The following AGBL1 variants were observed in gnomAD, a reference collection of about 807,000 sequenced individuals.
The protein encoded by AGBL1 is cytosolic carboxypeptidase 4.
In AGBL1, 130 loss-of-function variants were observed where a neutral mutation model predicts 118.9. That is an observed-to-expected ratio of 1.09 (90% CI 0.95 to 1.26). AGBL1 has a LOEUF of 1.26. Ranked by LOEUF, AGBL1 falls within the 50% of genes most tolerant of loss-of-function variation. The pLI is 0.00. For missense variants in AGBL1, 1,584 were observed against 1,298.1 expected (o/e 1.22, Z -3.38); for synonymous variants, 555 against 478.9 (o/e 1.16, Z -2.08).
chr15:86,475,080 C>T (rs1018697209), intron 18 of AGBL1, among the ~76,000 whole-genome samples: 1 of 152,158 alleles, frequency 6.6e-6, no homozygotes, highest in Non-Finnish European at 1.5e-5. Flanking sequence ...CTGTACGTCA[C>T]CATCTTCAAA....
intron 22 of AGBL1, among the ~76,000 whole-genome samples, chr15:86,878,847 A>G (rs890817222): frequency 9.2e-5 from 14 of 152,246 alleles, no homozygotes; most frequent in Non-Finnish European, 1.6e-4. Context: ...TTTCAGGAGC[A>G]GCTCCTCCTC....
At chr15:86,474,230 A>C (rs951815782) in intron 18 of AGBL1, among the ~76,000 whole-genome samples, 1 of 152,076 alleles carries the variant, frequency 6.6e-6, no homozygotes, top group Non-Finnish European at 1.5e-5. Flanking sequence ...CGGTGGGTGC[A>C]GGAGAGTGGA....
chr15:86,419,257 A>G (rs2081749883), intron 18 of AGBL1, among the ~76,000 whole-genome samples: 1 of 151,964 alleles, frequency 6.6e-6, no homozygotes, highest in Non-Finnish European at 1.5e-5. Flanking sequence ...CAACCGAGGT[A>G]CCTAGCTCAT....
Position 86,143,862 on chromosome 15 carries a change from A to G in AGBL1, c.262+17A>G. The G allele has an allele frequency of 2.5e-6, 4 of 1,611,058 alleles. No homozygotes were observed. Among genetic ancestry groups the G allele is most frequent in the Non-Finnish European group, 3.4e-6 (4 of 1,178,540 alleles). ...GCCTAAGAGGTACTCGTACTCCAAG[A>G]CCTAAAGCTGACTGAAAAGGCACTT... On this transcript the variant is annotated intron_variant, in intron 3 of 22. Transcript: ENST00000614907.
chr15:86,666,590 T>G (rs1176386927), intron 21 of AGBL1, among the ~76,000 whole-genome samples: 2 of 152,152 alleles, frequency 1.3e-5, no homozygotes, highest in Non-Finnish European at 2.9e-5. Flanking sequence ...GGCCATAATT[T>G]TGGTGATAGT....
At chr15:86,635,057 T>C (rs1295856262) in intron 21 of AGBL1, among the ~76,000 whole-genome samples, 1 of 152,148 alleles carries the variant, frequency 6.6e-6, no homozygotes. Flanking sequence ...GTTTTATGAA[T>C]TAGGAGAAAA....
chr15:86,304,646 A>G (rs993239187), intron 17 of AGBL1, among the ~76,000 whole-genome samples: 1 of 152,104 alleles, frequency 6.6e-6, no homozygotes, highest in Non-Finnish European at 1.5e-5. Context: ...TAGGACCTTT[A>G]ACCTCTCTTG....
At chr15:86,527,800 C>A (rs2083287208) in intron 19 of AGBL1, among the ~76,000 whole-genome samples, 1 of 152,156 alleles carries the variant, frequency 6.6e-6, no homozygotes, top group Non-Finnish European at 1.5e-5. Flanking sequence ...TGAGAAAAAG[C>A]AGTACCCTGA....
chr15:86,711,300 G>T (rs1054043610), intron 22 of AGBL1, among the ~76,000 whole-genome samples: 1 of 152,142 alleles, frequency 6.6e-6, no homozygotes, highest in South Asian at 2.1e-4. Flanking sequence ...TGAGGTAAAA[G>T]TTCCAACAAG....
At chr15:86,392,336 G>A (rs2081300384) in intron 17 of AGBL1, among the ~76,000 whole-genome samples, 1 of 152,040 alleles carries the variant, frequency 6.6e-6, no homozygotes, top group Admixed American at 6.6e-5. Context: ...CTATGAATGT[G>A]TGTTTAAGTC....
At chr15:86,424,032 T>C (rs1567250554) in intron 18 of AGBL1, among the ~76,000 whole-genome samples, 1 of 152,126 alleles carries the variant, frequency 6.6e-6, no homozygotes, top group Non-Finnish European at 1.5e-5. Context: ...GAAAATCAAC[T>C]TTAAATTTCA....
chr15:86,448,643 A>G (rs774960679), intron 18 of AGBL1, among the ~76,000 whole-genome samples: 3 of 152,206 alleles, frequency 2.0e-5, no homozygotes, highest in African/African-American at 4.8e-5. Context: ...AGGTCCCTCA[A>G]GTATCTAGGC....
intron 19 of AGBL1, among the ~76,000 whole-genome samples, chr15:86,529,946 C>T (rs879615081): frequency 5.1e-5 from 7 of 136,510 alleles, no homozygotes; most frequent in African/African-American, 3.1e-5. Flanking sequence ...CCTAAAAGAG[C>T]TCCTGAAGGA....
chr15:86,253,069 G>A (rs1032872937), intron 7 of AGBL1, among the ~76,000 whole-genome samples: 1 of 152,098 alleles, frequency 6.6e-6, no homozygotes, highest in Admixed American at 6.6e-5. Context: ...GAAAGTACAT[G>A]CAAAGACCCT....
chr15:86,904,499 GATAAA>G (rs918659040), intron 22 of AGBL1, among the ~76,000 whole-genome samples: 1 of 150,092 alleles, frequency 6.7e-6, no homozygotes, highest in Non-Finnish European at 1.5e-5. Flanking sequence ...ATAAGTGAGA[GATAAA>G]ATTAAATGAT....
chr15:86,866,617 G>T (rs2079633714), intron 22 of AGBL1, among the ~76,000 whole-genome samples: 1 of 152,230 alleles, frequency 6.6e-6, no homozygotes, highest in African/African-American at 2.4e-5. Context: ...ATTTTGGAGG[G>T]CTGAGGAAGG....
intron 18 of AGBL1, among the ~76,000 whole-genome samples, chr15:86,518,384 C>T (rs1319534026): frequency 2.0e-5 from 3 of 152,034 alleles, no homozygotes; most frequent in African/African-American, 7.2e-5. Context: ...TTTAGACTGT[C>T]CAGCCTTTAA....
At position 86,514,133 on chromosome 15, in the gene AGBL1, CAA is replaced by C. The variant is rs1491416248; in HGVS notation, c.2556-8675_2556-8674del. On this transcript the variant is annotated intron_variant, in intron 18 of 22. Transcript: ENST00000614907. ...GGAAATAGATGTATGAATACACACA[CAA>C]ACACACACACACACACACACACACA... is the stretch of plus-strand genomic sequence containing the variant. 4.1e-4 allele frequency among the ~76,000 whole-genome samples: 27 copies of C among 65,912 alleles called. No individual in the cohort carries two copies. The South Asian group carries it at 0.014, about 35-fold the overall frequency. The allele number at this position is 65,912 out of a possible 152,430, so 43.2% of individuals were successfully genotyped here. A position where few individuals can be genotyped will look rare whatever the true frequency, so the allele number is the denominator to read the frequency against.
intron 22 of AGBL1, among the ~76,000 whole-genome samples, chr15:86,848,974 G>A (rs185384886): frequency 1.3e-5 from 2 of 152,260 alleles, no homozygotes; most frequent in East Asian, 3.9e-4. Flanking sequence ...ATCAACTGTA[G>A]TAAAGCAACC....
Sources: allele counts gnomAD v4.1 joint callset (sites outside exome capture counted in the v4.1 genomes callset), GRCh38; gene constraint gnomAD v4.1.1; transcripts MANE v1.5; gene names NCBI Gene and HGNC (gene_info 2026-07-23, HGNC 2026-07-21).